STAT2: variants seen among roughly 807,000 people sequenced by gnomAD.
The protein encoded by STAT2 is signal transducer and activator of transcription 2, also known as interferon alpha induced transcriptional activator.
In STAT2, 51 loss-of-function variants were observed where a neutral mutation model predicts 122.3. The observed-to-expected ratio is 0.42, with a 90% CI of 0.33 to 0.53. The LOEUF (loss-of-function observed/expected upper bound fraction) is 0.53. Among genes scored for constraint, STAT2 ranks in the 20% least tolerant of loss-of-function variants. The pLI, the probability that STAT2 is intolerant of heterozygous loss-of-function variation, is 0.10. For synonymous variants in STAT2, 351 were observed against 394.9 expected (o/e 0.89, Z 1.32); for missense variants, 736 against 1,010.3 (o/e 0.73, Z 3.68).
In STAT2 at chr12:56,350,115, A is replaced by T; in HGVS notation, c.1191T>A (p.Ile397=). 2 of 1,612,426 alleles carry T rather than the reference A, an allele frequency of 1.2e-6. No individual in the cohort carries two copies. The highest frequency in any genetic ancestry group is 1.1e-5 in the South Asian group (1 of 91,036). ...TTCTTACCAGGTAACCAAAGTCCCA[A>T]ATCAAACCCTGACTCTGCCCCTTCT... is the stretch of plus-strand genomic sequence containing the variant. ...TPEKGQSQGL[I]WDFGYLTLVE... The change falls in exon 13 of 24, where the codon ATT becomes ATA. Residue 397 remains isoleucine (I), a synonymous_variant. Transcript: ENST00000314128.
chr12:56,354,840 G>T lies in STAT2; in HGVS notation c.571C>A (p.His191Asn). 6.2e-7 allele frequency: 1 copy of T among 1,614,100 alleles called. No individual in the cohort carries two copies. Among genetic ancestry groups the T allele is most frequent in the Non-Finnish European group, 8.5e-7 (1 of 1,180,024 alleles). Residue 191 changes from histidine (H) to asparagine (N), a missense_variant, in exon 7 of 24, where the codon CAT becomes AAT. His to Asn is a moderately conservative substitution (Grantham distance 68). Transcript: ENST00000314128. ...AKGKTPSLDP[H>N]QTKEQKILQE... ...AGAATCTTCTGCTCTTTGGTCTGAT[G>T]GGGGTCCAGAGAGGGTGTCTTCCCT...
chr12:56,352,983 A>C (rs1878778285), intron 8 of STAT2, among the ~76,000 whole-genome samples: 1 of 149,884 alleles, frequency 6.7e-6, no homozygotes. Context: ...ACCATGCCTA[A>C]TCTTTTTTTT....
chr12:56,354,863 C>T lies in STAT2; in HGVS notation c.548G>A (p.Gly183Glu). ...FCFRYKIQAK[G>E]KTPSLDPHQT... ...ATGGGGGTCCAGAGAGGGTGTCTTC[C>T]CTGGATGGTGGGAACAGGAGTCAGT... is the stretch of plus-strand genomic sequence containing the variant. Residue 183 changes from glycine (G) to glutamate (E), a missense_variant and splice_region_variant, in exon 7 of 24, where the codon GGG becomes GAG. Gly to Glu is a moderately conservative substitution (Grantham distance 98, BLOSUM62 -2). Transcript: ENST00000314128. 1 of 1,613,970 alleles carries T rather than the reference C, an allele frequency of 6.2e-7. No individual in the cohort carries two copies. Among genetic ancestry groups the T allele is most frequent in the Non-Finnish European group, 8.5e-7 (1 of 1,179,946 alleles).
In STAT2 at chr12:56,351,436, G is replaced by C; in HGVS notation, c.797C>G (p.Ala266Gly). Residue 266 changes from alanine (A) to glycine (G), a missense_variant, in exon 9 of 24, where the codon GCA becomes GGA. Physicochemically the swap from Ala to Gly is moderately conservative, Grantham distance 60. Transcript: ENST00000314128. ...EQLETWFTAG[A>G]KLLFHLRQLL... ...CTGCCTCAGGTGAAACAACAGCTTT[G>C]CTCCAGCTGTGAACCTGGGTGATAA... The C allele has an allele frequency of 6.2e-7, 1 of 1,613,588 alleles. No individual in the cohort carries two copies. The highest frequency in any genetic ancestry group is 8.5e-7 in the Non-Finnish European group (1 of 1,179,886).
intron 1 of STAT2, among the ~76,000 whole-genome samples, chr12:56,359,699 G>A (rs1463926049): frequency 6.6e-6 from 1 of 152,138 alleles, no homozygotes; most frequent in Non-Finnish European, 1.5e-5. Context: ...AACAAAACAA[G>A]GATAATAGAT....
intron 21 of STAT2, 35 bp from the exon 22 acceptor site, chr12:56,346,238 A>AGTGG: frequency 6.2e-7 from 1 of 1,606,586 alleles, no homozygotes; most frequent in Non-Finnish European, 8.5e-7. Context: ...AGAGAAGATC[A>AGTGG]GTGGGCCAGA....
chr12:56,353,187 T>C (rs1238066673), intron 8 of STAT2, among the ~76,000 whole-genome samples: 1 of 152,188 alleles, frequency 6.6e-6, no homozygotes, highest in East Asian at 1.9e-4. Flanking sequence ...TTTCACCACA[T>C]TGGCCAGGCT....
chr12:56,346,139 A>G lies in STAT2; in HGVS notation c.2102+7T>C, dbSNP rs766381074. 1.2e-6 allele frequency: 2 copies of G among 1,614,168 alleles called. No individual in the cohort carries two copies. The highest frequency in any genetic ancestry group is 1.1e-5 in the South Asian group (1 of 91,078). ...TAGGGAGGATGAATGAAGAGTTCAT[A>G]TCTCACCTATTAGAGACCACAATGA... On this transcript the variant is annotated splice_region_variant and intron_variant, in intron 22 of 23. Coordinates refer to ENST00000314128, the MANE Select transcript of STAT2 (RefSeq NM_005419.4).
At chr12:56,348,087 GTTT>G (rs745864117) in intron 19 of STAT2, among the ~76,000 whole-genome samples, 5 of 119,568 alleles carry the variant, frequency 4.2e-5, no homozygotes, top group Admixed American at 9.0e-5. Context: ...ATTATTGGTT[GTTT>G]TTTTTTTTTT....
chr12:56,344,593 A>C (rs192007639), intron 22 of STAT2, among the ~76,000 whole-genome samples: 4 of 152,352 alleles, frequency 2.6e-5, no homozygotes, highest in Admixed American at 2.6e-4. Context: ...CTCTCAGGCC[A>C]GGCATGGTGG....
At chr12:56,343,603 G>C in intron 23 of STAT2, 72 bp from the exon 24 acceptor site, 1 of 1,569,876 alleles carries the variant, frequency 6.4e-7, no homozygotes, top group South Asian at 1.2e-5. Flanking sequence ...GGAAAGGGAG[G>C]GAGGATGGCA....
chr12:56,355,629 C>G (rs1879385543), intron 4 of STAT2, 79 bp downstream of exon 4: 4 of 1,591,586 alleles, frequency 2.5e-6, no homozygotes, highest in Admixed American at 1.7e-5. Flanking sequence ...GGATCCTGTT[C>G]TGAGACAACT....
chr12:56,356,662 A>G, intron 1 of STAT2, 84 bp from the exon 2 acceptor site: 1 of 1,494,346 alleles, frequency 6.7e-7, no homozygotes, highest in East Asian at 2.4e-5. Flanking sequence ...ATTATTACTA[A>G]TTTAAAATGT....
chr12:56,354,068 C>A (rs1322630368), intron 8 of STAT2, among the ~76,000 whole-genome samples: 4 of 102,074 alleles, frequency 3.9e-5, no homozygotes, highest in Non-Finnish European at 4.0e-5. Context: ...TTAAAAAAAA[C>A]CCCATGGATT....
chr12:56,354,416 T>G (rs761368463), intron 8 of STAT2, 50 bp downstream of exon 8: 1 of 1,612,302 alleles, frequency 6.2e-7, no homozygotes, highest in South Asian at 1.1e-5. Flanking sequence ...CACTGCAACT[T>G]ACAAATCACA....
At chr12:56,346,050 T>A in intron 22 of STAT2, 96 bp downstream of exon 22, 1 of 1,604,440 alleles carries the variant, frequency 6.2e-7, no homozygotes, top group Non-Finnish European at 8.5e-7. Context: ...ATCATCCTGG[T>A]GCTCCACCCA....
intron 1 of STAT2, among the ~76,000 whole-genome samples, chr12:56,357,902 A>C (rs567402311): frequency 6.4e-4 from 97 of 151,764 alleles, no homozygotes; most frequent in Non-Finnish European, 1.1e-3. Context: ...GGATTTTGCC[A>C]TGTTGCCCAG....
At chr12:56,353,482 T>C (rs1345579174) in intron 8 of STAT2, among the ~76,000 whole-genome samples, 1 of 152,038 alleles carries the variant, frequency 6.6e-6, no homozygotes. Flanking sequence ...AATGAGAAAA[T>C]ATTGAAAACA....
chr12:56,354,309 G>T, intron 8 of STAT2, 157 bp downstream of exon 8: 1 of 1,120,652 alleles, frequency 8.9e-7, no homozygotes, highest in Non-Finnish European at 1.3e-6. Context: ...TGCGTGGTGA[G>T]GATGAGGAGC....
Sources: allele counts gnomAD v4.1 joint callset (sites outside exome capture counted in the v4.1 genomes callset), GRCh38; gene constraint gnomAD v4.1.1; transcripts MANE v1.5; gene names NCBI Gene and HGNC (gene_info 2026-07-23, HGNC 2026-07-21).